The following POLR1D variants were observed in gnomAD, a reference collection of about 807,000 sequenced individuals.
The protein encoded by POLR1D is RNA polymerase I and III subunit D.
In POLR1D, 8 loss-of-function variants were observed where a neutral mutation model predicts 10.8. The observed-to-expected ratio is 0.74, with a 90% CI of 0.43 to 1.33. POLR1D has a LOEUF of 1.33. POLR1D is among the 40% of genes most tolerant of loss of function. POLR1D has a pLI of 0.01. For missense variants in POLR1D, 152 were observed against 161.7 expected (o/e 0.94, Z 0.32); for synonymous variants, 54 against 57.2 (o/e 0.94, Z 0.25).
At chr13:27,641,615 T>G (rs71433236) in intron 1 of POLR1D, among the ~76,000 whole-genome samples, 12,743 of 152,270 alleles carry the variant, frequency 0.084, 576 homozygotes, top group Middle Eastern at 0.13. Context: ...AGAAGAAATA[T>G]ATTTAAATAT....
chr13:27,621,776 C>T (rs1202409720), upstream of POLR1D: 19 of 410,816 alleles, frequency 4.6e-5, no homozygotes, highest in Middle Eastern at 1.1e-3. Context: ...CCGCTCACCC[C>T]GCGTCGGGGC....
chr13:27,629,523 T>C (rs558165073), intron 1 of POLR1D, among the ~76,000 whole-genome samples: 5 of 152,336 alleles, frequency 3.3e-5, no homozygotes, highest in African/African-American at 1.2e-4. Context: ...TGTGAAAACT[T>C]TGAAACAAAA....
chr13:27,658,465 A>G (rs1483233502), intron 2 of POLR1D, among the ~76,000 whole-genome samples: 6 of 149,402 alleles, frequency 4.0e-5, no homozygotes, highest in Non-Finnish European at 8.8e-5. Flanking sequence ...ACTAGTGGCC[A>G]TGGCCTGTTT....
chr13:27,666,732 T>C (rs768130152), exon 3 of POLR1D: 2 of 152,206 alleles, frequency 1.3e-5, no homozygotes, highest in African/African-American at 4.8e-5. Context: ...GTATAGTTGT[T>C]CCAGAAATCT....
intron 2 of POLR1D, among the ~76,000 whole-genome samples, chr13:27,654,224 C>G (rs1438437131): frequency 6.6e-6 from 1 of 152,158 alleles, no homozygotes; most frequent in East Asian, 1.9e-4. Flanking sequence ...ATAATGTGTA[C>G]TTTTCCTATC....
intron 1 of POLR1D, among the ~76,000 whole-genome samples, chr13:27,645,063 A>G (rs910583052): frequency 6.6e-6 from 1 of 152,174 alleles, no homozygotes; most frequent in Admixed American, 6.5e-5. Flanking sequence ...GATTGCTAAG[A>G]ATTGTTTTCT....
upstream of POLR1D, chr13:27,620,970 A>C (rs1331911820): frequency 6.5e-6 from 1 of 152,854 alleles, no homozygotes; most frequent in African/African-American, 2.4e-5. Context: ...TGCGCTGGAC[A>C]GCTGGAGTCG....
chr13:27,622,110 G>A (rs1955941733), intron 1 of POLR1D, 101 bp downstream of exon 1: 2 of 981,394 alleles, frequency 2.0e-6, no homozygotes, highest in South Asian at 1.4e-5. Flanking sequence ...CTGACTCGGG[G>A]CGCAGAGAAG....
chr13:27,647,289 T>C (rs968101783), intron 1 of POLR1D, among the ~76,000 whole-genome samples: 1 of 152,182 alleles, frequency 6.6e-6, no homozygotes, highest in Non-Finnish European at 1.5e-5. Context: ...TACATGTTCA[T>C]TGTAGAAAAA....
chr13:27,623,617 G>T (rs989214757), downstream of POLR1D, among the ~76,000 whole-genome samples: 1 of 151,878 alleles, frequency 6.6e-6, no homozygotes. Context: ...TAGTTGGAGT[G>T]GTGGGGGTAA....
At chr13:27,640,117 A>G (rs1278047576) in intron 1 of POLR1D, among the ~76,000 whole-genome samples, 3 of 152,224 alleles carry the variant, frequency 2.0e-5, no homozygotes, top group African/African-American at 7.2e-5. Flanking sequence ...TACATGGTAC[A>G]TAAGTACTGT....
chr13:27,658,594 CAG>C (rs1181157646), intron 2 of POLR1D, among the ~76,000 whole-genome samples: 1 of 152,042 alleles, frequency 6.6e-6, no homozygotes, highest in East Asian at 1.9e-4. Context: ...GAGCAGTTGC[CAG>C]AGAGAGATTG....
intron 1 of POLR1D, among the ~76,000 whole-genome samples, chr13:27,634,851 T>G (rs1238587747): frequency 6.6e-6 from 1 of 151,998 alleles, no homozygotes; most frequent in Non-Finnish European, 1.5e-5. Context: ...AATTTTTGTA[T>G]TTTTTGTAGA....
intron 2 of POLR1D, chr13:27,648,511 T>A: frequency 9.6e-7 from 1 of 1,037,498 alleles, no homozygotes; most frequent in Non-Finnish European, 1.5e-6. Context: ...GCTGGAGATA[T>A]AAATATGTAA....
chr13:27,625,297 G>C (rs1460259510), downstream of POLR1D, among the ~76,000 whole-genome samples: 1 of 152,132 alleles, frequency 6.6e-6, no homozygotes, highest in Admixed American at 6.6e-5. Flanking sequence ...AGGGAGGCTG[G>C]AGTAGAAGCA....
intron 1 of POLR1D, among the ~76,000 whole-genome samples, chr13:27,644,219 C>G (rs1483089446): frequency 6.6e-6 from 1 of 152,196 alleles, no homozygotes; most frequent in Non-Finnish European, 1.5e-5. Context: ...TAATTTTCCT[C>G]TCAATTTCTG....
chr13:27,645,798 T>C (rs969902194), intron 1 of POLR1D, among the ~76,000 whole-genome samples: 37 of 152,146 alleles, frequency 2.4e-4, no homozygotes, highest in African/African-American at 8.4e-4. Context: ...TTCTCATACA[T>C]ATATCTTCTT....
chr13:27,659,184 T>C (rs1956334697), intron 2 of POLR1D, among the ~76,000 whole-genome samples: 4 of 152,224 alleles, frequency 2.6e-5, no homozygotes, highest in African/African-American at 4.8e-5. Flanking sequence ...TATTTATTTA[T>C]ATAAATATTC....
At chr13:27,662,672 T>TA (rs140724190) in intron 2 of POLR1D, among the ~76,000 whole-genome samples, 338 of 152,358 alleles carry the variant, frequency 2.2e-3, no homozygotes, top group African/African-American at 7.7e-3. Context: ...ATAAGGTAGA[T>TA]ACGTCTGTTA....
Sources: gnomAD v4.1 joint callset for allele counts (sites outside exome capture counted in the v4.1 genomes callset) on GRCh38, gnomAD v4.1.1 for gene constraint, MANE v1.5 for transcripts, NCBI Gene and HGNC (gene_info 2026-07-23, HGNC 2026-07-21) for gene names.